PLEKHS1: variants seen among roughly 807,000 people sequenced by gnomAD.
PLEKHS1 encodes pleckstrin homology domain-containing family S member 1.
A neutral mutation model predicts 51.0 loss-of-function variants in PLEKHS1; 55 were observed. The ratio of observed to expected loss-of-function variants is 1.08; its 90% CI spans 0.87 to 1.35. The LOEUF is 1.35. Ranked by LOEUF, PLEKHS1 falls within the 40% of genes most tolerant of loss-of-function variation. The pLI is 0.00. For missense variants in PLEKHS1, 398 were observed against 423.0 expected (o/e 0.94, Z 0.52); for synonymous variants, 153 against 144.8 (o/e 1.06, Z -0.41).
intron 6 of PLEKHS1, 119 bp from the exon 7 acceptor site, chr10:113,769,665 G>C: frequency 1.4e-6 from 1 of 708,298 alleles, no homozygotes; most frequent in Non-Finnish European, 2.5e-6. Context: ...CAGGCCAGCG[G>C]CATGAATGTT....
intron 11 of PLEKHS1, 56 bp from the exon 13 acceptor site, chr10:113,780,546 C>T (rs959417066): frequency 2.9e-5 from 44 of 1,515,852 alleles, no homozygotes; most frequent in Non-Finnish European, 3.8e-5. Flanking sequence ...GATTGGGAAG[C>T]AACAATCTTA....
At chr10:113,778,845 G>A (rs974978311) in intron 11 of PLEKHS1, among the ~76,000 whole-genome samples, 10 of 151,784 alleles carry the variant, frequency 6.6e-5, no homozygotes, top group African/African-American at 2.2e-4. Context: ...GGGTTTCACC[G>A]TGGTCTCAAT....
intron 2 of PLEKHS1, among the ~76,000 whole-genome samples, chr10:113,759,152 C>T (rs779581183): frequency 7.9e-5 from 12 of 152,178 alleles, no homozygotes; most frequent in Non-Finnish European, 1.5e-4. Flanking sequence ...GCCTGTAATC[C>T]TAGCACTTTG....
At chr10:113,754,600 G>A (rs999889119) in intron 1 of PLEKHS1, among the ~76,000 whole-genome samples, 1 of 152,106 alleles carries the variant, frequency 6.6e-6, no homozygotes, top group African/African-American at 2.4e-5. Context: ...AGCCTCCTGA[G>A]GGATTACAGG....
intron 2 of PLEKHS1, among the ~76,000 whole-genome samples, chr10:113,762,656 C>A (rs1319285366): frequency 6.6e-6 from 1 of 151,854 alleles, no homozygotes; most frequent in African/African-American, 2.4e-5. Flanking sequence ...AATTTGATTT[C>A]ATAGTGCTCT....
chr10:113,783,313 A>G (rs1844906958), downstream of PLEKHS1: 1 of 152,180 alleles, frequency 6.6e-6, no homozygotes. Context: ...TAAAATGTTC[A>G]GCAGGCACAG....
intron 2 of PLEKHS1, among the ~76,000 whole-genome samples, chr10:113,760,551 C>G (rs143272283): frequency 1.5e-4 from 23 of 151,980 alleles, no homozygotes; most frequent in African/African-American, 5.1e-4. Context: ...TCTACATTTC[C>G]TTAATGACTA....
At chr10:113,782,295 A>T (rs1285794191) in exon 12 of PLEKHS1, 1 of 152,242 alleles carries the variant, frequency 6.6e-6, no homozygotes, top group Non-Finnish European at 1.5e-5. Context: ...TCTGGGAAAC[A>T]AATGTCCAGA....
In PLEKHS1 at chr10:113,775,974, C is replaced by CG. The variant is rs891057315; in HGVS notation, c.1091+113dup. 9 of 775,650 alleles carry CG rather than the reference C, an allele frequency of 1.2e-5. No individual in the cohort carries two copies. The East Asian group carries it at 1.7e-4, about 15-fold the overall frequency. The allele number at this position is 775,650 out of a possible 1,614,324, so 48.0% of individuals were successfully genotyped here. On this transcript the variant is annotated intron_variant, in intron 11 of 11. Coordinates refer to ENST00000361048, the Ensembl canonical transcript of PLEKHS1. ...TTGGCAACACTGACTAGGTTTGGGG[C>CG]GGGGGAGCTTGGACTGTTGACTGGC...
intron 2 of PLEKHS1, among the ~76,000 whole-genome samples, chr10:113,762,336 C>T (rs928686427): frequency 7.1e-6 from 1 of 141,474 alleles, no homozygotes; most frequent in Non-Finnish European, 1.6e-5. Context: ...TTTATTATCT[C>T]CCTTCCTCTA....
chr10:113,755,453 G>C lies in PLEKHS1; in HGVS notation c.28+148G>C, dbSNP rs7920463. On this transcript the variant is annotated intron_variant, in intron 2 of 11. Coordinates refer to ENST00000361048, the Ensembl canonical transcript of PLEKHS1. ...GTTTGAGACAGTCTTGCTCTGTTGC[G>C]TAGGCTGGAGTACAGTGGCACGATC... 3.2e-3 allele frequency: 4,406 copies of C among 1,360,036 alleles called. 131 individuals carry two copies. The African/African-American group carries it at 0.058, about 18-fold the overall frequency. The allele number at this position is 1,360,036 out of a possible 1,614,324, so 84.2% of individuals were successfully genotyped here. A position where few individuals can be genotyped will look rare whatever the true frequency, so the allele number is the denominator to read the frequency against.
chr10:113,772,810 TG>T (rs1286636172), intron 8 of PLEKHS1, among the ~76,000 whole-genome samples: 2 of 152,088 alleles, frequency 1.3e-5, no homozygotes, highest in African/African-American at 4.8e-5. Context: ...AAAGGCATAG[TG>T]GGAGATAAAC....
At chr10:113,755,352 A>T in intron 2 of PLEKHS1, 47 bp downstream of exon 2, 1 of 1,591,268 alleles carries the variant, frequency 6.3e-7, no homozygotes, top group Admixed American at 1.8e-5. Flanking sequence ...TTTATTGAAA[A>T]TGCCCCACGG....
chr10:113,755,081 A>T lies in PLEKHS1; in HGVS notation c.-19-178A>T, dbSNP rs7919664. The stretch of plus-strand genomic sequence containing the variant: ...TAGATGTGTCCCCGTTACTGCAGCT[A>T]CCGTCAGCCTCAGGAACAGGGAGGG... On this transcript the variant is annotated intron_variant, in intron 1 of 11. Transcript: ENST00000361048. Among the ~76,000 whole-genome samples the T allele has an allele frequency of 0.017, 2,590 of 152,304 alleles. 79 individuals carry two copies. The highest frequency in any genetic ancestry group is 0.059 in the African/African-American group (2,458 of 41,558).
At chr10:113,756,032 C>A (rs1478367508) in intron 2 of PLEKHS1, among the ~76,000 whole-genome samples, 2 of 152,202 alleles carry the variant, frequency 1.3e-5, no homozygotes, top group Non-Finnish European at 2.9e-5. Context: ...TATTCATACA[C>A]TTCTTTGTAG....
At chr10:113,767,953 T>C (rs769213045) in intron 5 of PLEKHS1, among the ~76,000 whole-genome samples, 24 of 152,300 alleles carry the variant, frequency 1.6e-4, no homozygotes, top group Non-Finnish European at 2.8e-4. Flanking sequence ...CCCTCTCTAT[T>C]CCAGTATGAC....
At chr10:113,775,133 C>T in intron 10 of PLEKHS1, 98 bp downstream of exon 10, 2 of 1,163,618 alleles carry the variant, frequency 1.7e-6, no homozygotes, top group East Asian at 2.6e-5. Flanking sequence ...TAAAGCTGTT[C>T]CTAAAAATCT....
chr10:113,782,290 G>A (rs1844887966), exon 12 of PLEKHS1: 1 of 152,180 alleles, frequency 6.6e-6, no homozygotes, highest in Non-Finnish European at 1.5e-5. Context: ...CCAGCTCTGG[G>A]AAACAAATGT....
exon 5 of PLEKHS1, chr10:113,767,390 A>G (rs773119971): frequency 6.2e-7 from 1 of 1,611,196 alleles, no homozygotes; most frequent in South Asian, 1.1e-5. Flanking sequence ...AAAAGATGCA[A>G]TCTGTGCAGA....
Sources: gnomAD v4.1 joint callset for allele counts (sites outside exome capture counted in the v4.1 genomes callset) on GRCh38, gnomAD v4.1.1 for gene constraint, MANE v1.5 for transcripts, NCBI Gene and HGNC (gene_info 2026-07-23, HGNC 2026-07-21) for gene names.